Variants in STOX2 observed in about 807,000 individuals in gnomAD.
STOX2 encodes the protein storkhead box 2.
A neutral mutation model predicts 60.9 loss-of-function variants in STOX2; 28 were observed. The ratio of observed to expected loss-of-function variants is 0.46; its 90% CI spans 0.34 to 0.63. The LOEUF is 0.63. Among genes scored for constraint, STOX2 ranks in the 30% least tolerant of loss-of-function variants. STOX2 has a pLI of 0.01. For missense variants in STOX2, 1,024 were observed against 1,187.7 expected (o/e 0.86, Z 2.03); for synonymous variants, 472 against 463.9 (o/e 1.02, Z -0.22).
At chr4:183,985,012 G>A (rs191023633) in intron 1 of STOX2, among the ~76,000 whole-genome samples, 102 of 152,226 alleles carry the variant, frequency 6.7e-4, no homozygotes, top group Non-Finnish European at 4.6e-4. Context: ...CTCTCGGTAG[G>A]GCAGCAAGAT....
chr4:183,932,634 G>A (rs540670937), intron 1 of STOX2, among the ~76,000 whole-genome samples: 4 of 152,208 alleles, frequency 2.6e-5, no homozygotes, highest in African/African-American at 9.6e-5. Flanking sequence ...TTTAATCCCT[G>A]TGAAGATCTT....
chr4:183,995,247 A>G (rs950268574), intron 1 of STOX2, among the ~76,000 whole-genome samples: 1 of 151,100 alleles, frequency 6.6e-6, no homozygotes, highest in Admixed American at 6.6e-5. Context: ...AATGACTGCA[A>G]AAAGTGAAAA....
At chr4:183,841,458 C>T (rs140757909) in intron 1 of STOX2, among the ~76,000 whole-genome samples, 8 of 152,144 alleles carry the variant, frequency 5.3e-5, no homozygotes, top group African/African-American at 1.9e-4. Context: ...AAAGATGCTC[C>T]CTCCTCGGCC....
At chr4:183,809,731 T>G (rs762635570) in intron 1 of STOX2, among the ~76,000 whole-genome samples, 2 of 152,238 alleles carry the variant, frequency 1.3e-5, no homozygotes, top group Non-Finnish European at 2.9e-5. Flanking sequence ...TCTCCACTTT[T>G]GGAGAAATAC....
intron 2 of STOX2, among the ~76,000 whole-genome samples, chr4:184,007,045 A>AAAAAAAAAAAAAAAC (rs1553987519): frequency 8.4e-6 from 1 of 118,474 alleles, no homozygotes. Context: ...AAACAAAAAA[A>AAAAAAAAAAAAAAAC]AAATTTTGTT....
At chr4:184,015,686 G>A (rs1560947673) in intron 3 of STOX2, 1 of 152,256 alleles carries the variant, frequency 6.6e-6, no homozygotes, top group Non-Finnish European at 1.5e-5. Context: ...GGGAATGAAA[G>A]AGAGGAGAGG....
At chr4:183,843,147 C>CA (rs60213127) in intron 1 of STOX2, among the ~76,000 whole-genome samples, 4,491 of 101,872 alleles carry the variant, frequency 0.044, 276 homozygotes, top group African/African-American at 0.15. Context: ...GACTCCATCT[C>CA]AAAAAAAAAA....
intron 1 of STOX2, among the ~76,000 whole-genome samples, chr4:183,894,942 C>T (rs1044866614): frequency 6.6e-6 from 1 of 152,156 alleles, no homozygotes; most frequent in African/African-American, 2.4e-5. Context: ...ACTAATAAGA[C>T]ATCCTAAAAA....
intron 1 of STOX2, among the ~76,000 whole-genome samples, chr4:183,898,824 C>T (rs1741398898): frequency 6.6e-6 from 1 of 152,112 alleles, no homozygotes; most frequent in African/African-American, 2.4e-5. Context: ...TTGGCAGTGG[C>T]GAGATCGTTA....
Position 183,998,548 on chromosome 4 carries a change from T to A in STOX2, c.167-2777T>A, listed in dbSNP as rs114743669. ...CCAATCTTCACACATTTCTTATGTG[T>A]TTATTGATTTAGAGACAGGGTCTCG... is the stretch of plus-strand genomic sequence containing the variant. On this transcript the variant is annotated intron_variant, in intron 1 of 3. Transcript: ENST00000308497. Among the ~76,000 whole-genome samples, 646 of 152,236 alleles carry A rather than the reference T, an allele frequency of 4.2e-3. 6 individuals are homozygous for A. Among genetic ancestry groups the A allele is most frequent in the African/African-American group, 0.015 (616 of 41,550 alleles).
In STOX2 at chr4:183,865,593, G is replaced by A. The variant is rs950381345; in HGVS notation, c.364+67538G>A. ...CAGGAATGAGGATGGCTAATTTCAG[G>A]TGAGTCTGCAGGACCGTAGATAGAA... On this transcript the variant is annotated intron_variant, in intron 1 of 2. Transcript: ENST00000513034. This position sits in a 1 kb window ranked among gnomAD's most constrained non-coding sequence, Gnocchi z 4.1. 6.6e-6 allele frequency among the ~76,000 whole-genome samples: 1 copy of A among 152,188 alleles called. No homozygotes were observed. The highest frequency in any genetic ancestry group is 1.5e-5 in the Non-Finnish European group (1 of 68,036).
At chr4:183,873,973 C>T (rs1025867406) in intron 1 of STOX2, among the ~76,000 whole-genome samples, 9 of 152,150 alleles carry the variant, frequency 5.9e-5, no homozygotes, top group African/African-American at 9.7e-5. Flanking sequence ...AGCTGAGGTC[C>T]GGGTACTTGC....
At chr4:183,950,953 C>G (rs577818227) in intron 1 of STOX2, among the ~76,000 whole-genome samples, 5 of 152,086 alleles carry the variant, frequency 3.3e-5, no homozygotes, top group African/African-American at 9.7e-5. Flanking sequence ...CGGTGGCTCA[C>G]GCCTGTAATC....
intron 1 of STOX2, among the ~76,000 whole-genome samples, chr4:183,814,223 T>G (rs949328304): frequency 9.2e-5 from 14 of 152,154 alleles, no homozygotes; most frequent in Admixed American, 7.9e-4. Flanking sequence ...ATGAAGGTTA[T>G]GAAGCAACAT....
chr4:183,838,811 C>A (rs1258782112), intron 1 of STOX2, among the ~76,000 whole-genome samples: 2 of 152,166 alleles, frequency 1.3e-5, no homozygotes, highest in African/African-American at 4.8e-5. Context: ...GGCTCTCAAG[C>A]CTTTGTTCTG....
At chr4:183,966,185 C>G (rs1579479837) in intron 1 of STOX2, among the ~76,000 whole-genome samples, 2 of 152,076 alleles carry the variant, frequency 1.3e-5, no homozygotes, top group African/African-American at 4.8e-5. Context: ...GTGGTTATGC[C>G]TGAGACGGTG....
intron 1 of STOX2, among the ~76,000 whole-genome samples, chr4:183,804,239 A>G (rs1211452865): frequency 6.6e-6 from 1 of 152,238 alleles, no homozygotes; most frequent in African/African-American, 2.4e-5. Flanking sequence ...AGGGATGCCT[A>G]CTTAATAAGT....
At chr4:183,831,880 G>A (rs1739576308) in intron 1 of STOX2, among the ~76,000 whole-genome samples, 2 of 151,938 alleles carry the variant, frequency 1.3e-5, no homozygotes, top group Non-Finnish European at 2.9e-5. Context: ...TTCTCTCCTG[G>A]GACAGCTCTG....
intron 1 of STOX2, among the ~76,000 whole-genome samples, chr4:183,899,003 C>T (rs572623723): frequency 5.9e-5 from 9 of 152,272 alleles, no homozygotes; most frequent in Non-Finnish European, 7.4e-5. Flanking sequence ...CCTCACGTTA[C>T]GTCTCTGTGT....
Sources: allele counts gnomAD v4.1 joint callset (sites outside exome capture counted in the v4.1 genomes callset), GRCh38; gene constraint gnomAD v4.1.1; non-coding constraint Gnocchi (gnomAD v3.1); transcripts MANE v1.5; gene names NCBI Gene and HGNC (gene_info 2026-07-23, HGNC 2026-07-21).